Variants in PPFIA4 observed in about 807,000 individuals in gnomAD.
PPFIA4 encodes PPFI scaffold protein A4.
PPFIA4 carries 98 observed loss-of-function variants against 145.7 expected under a neutral mutation model. The ratio of observed to expected loss-of-function variants is 0.67; its 90% CI spans 0.57 to 0.80. The LOEUF is 0.80. PPFIA4 is among the 30% of genes least tolerant of loss of function. PPFIA4 has a pLI of 0.00. For missense variants in PPFIA4, 1,457 were observed against 1,632.7 expected (o/e 0.89, Z 1.85); for synonymous variants, 628 against 649.6 (o/e 0.97, Z 0.51).
chr1:203,034,069 A>G (rs1045075206), intron 1 of PPFIA4, among the ~76,000 whole-genome samples: 1 of 152,182 alleles, frequency 6.6e-6, no homozygotes, highest in Admixed American at 6.5e-5. Flanking sequence ...GAGATGATGT[A>G]AAGTAAGAGA....
intron 13 of PPFIA4, among the ~76,000 whole-genome samples, chr1:203,049,976 A>G (rs1660384857): frequency 6.6e-6 from 1 of 152,188 alleles, no homozygotes; most frequent in Non-Finnish European, 1.5e-5. Context: ...GGCTGCTGAG[A>G]GGCGAGTCAT....
chr1:203,036,604 T>A (rs1352003750), intron 1 of PPFIA4, among the ~76,000 whole-genome samples: 1 of 152,016 alleles, frequency 6.6e-6, no homozygotes, highest in African/African-American at 2.4e-5. Flanking sequence ...CTTGGGGGGG[T>A]AGGCTGGGGC....
At chr1:203,039,577 G>T (rs1381723509) in intron 2 of PPFIA4, among the ~76,000 whole-genome samples, 1 of 152,190 alleles carries the variant, frequency 6.6e-6, no homozygotes, top group Non-Finnish European at 1.5e-5. Context: ...TTGGAGGTGG[G>T]TGGGGAATCA....
intron 1 of PPFIA4, among the ~76,000 whole-genome samples, chr1:203,033,230 C>G (rs1658976674): frequency 6.6e-6 from 1 of 152,180 alleles, no homozygotes; most frequent in South Asian, 2.1e-4. Context: ...GGAACCTGAT[C>G]ACAGAGGGGT....
intron 13 of PPFIA4, among the ~76,000 whole-genome samples, chr1:203,050,650 T>A (rs1252147895): frequency 1.3e-5 from 2 of 152,180 alleles, no homozygotes; most frequent in African/African-American, 4.8e-5. Context: ...GGGAAGGGGA[T>A]GTTGAGCTTG....
intron 18 of PPFIA4, 86 bp downstream of exon 18, chr1:203,056,594 CCT>C (rs1660972486): frequency 1.3e-6 from 2 of 1,503,340 alleles, no homozygotes; most frequent in Admixed American, 4.3e-5. Context: ...CCGCATCTCC[CCT>C]GTCCCAGTTT....
chr1:203,057,089 A>C (rs1165766306), intron 19 of PPFIA4, 139 bp downstream of exon 19: 1 of 1,471,164 alleles, frequency 6.8e-7, no homozygotes, highest in East Asian at 2.4e-5. Context: ...TCAGATCTGC[A>C]GAAGCAGTTT....
intron 9 of PPFIA4, among the ~76,000 whole-genome samples, chr1:203,047,350 C>T (rs561734730): frequency 8.5e-5 from 13 of 152,134 alleles, no homozygotes; most frequent in Non-Finnish European, 1.8e-4. Context: ...TCTTTCCAGC[C>T]TCGAGGAATG....
chr1:203,071,170 A>AT lies in PPFIA4; in HGVS notation c.3325-505dup, dbSNP rs36050212. ...GTCTCAGTATGTTGCCAAGACTGCT[A>AT]TTTTTTTTTTTTTTTTTGAGACAGA... On this transcript the variant is annotated intron_variant, in intron 27 of 29. Coordinates refer to ENST00000295706, the MANE Select transcript of PPFIA4 (RefSeq NM_001304331.2). Among the ~76,000 whole-genome samples the AT allele has an allele frequency of 1.5e-3, 170 of 116,610 alleles. 1 individual carries two copies. The highest frequency in any genetic ancestry group is 3.1e-3 in the South Asian group (11 of 3,558). 76.5% of individuals were successfully genotyped at this position (116,610 alleles called of 152,430 possible). A position where few individuals can be genotyped will look rare whatever the true frequency, so the allele number is the denominator to read the frequency against.
chr1:203,068,069 C>T lies in PPFIA4; in HGVS notation c.3148+277C>T, dbSNP rs6676973. Among the ~76,000 whole-genome samples the T allele has an allele frequency of 0.42, 63,776 of 152,012 alleles. 13,536 individuals carry two copies. The highest frequency in any genetic ancestry group is 0.46 in the Middle Eastern group (136 of 294). On this transcript the variant is annotated intron_variant, in intron 26 of 29. Transcript: ENST00000295706. The surrounding 1 kb of genome is among the most constrained non-coding windows in gnomAD (Gnocchi z 4.7). ...GGGACGGTGTTATAGACTGGTGTGC[C>T]TGTGGAACTTGTTGATCTGGATGGG...
intron 1 of PPFIA4, chr1:203,034,849 C>G (rs946403852): frequency 1.1e-5 from 4 of 362,500 alleles, no homozygotes; most frequent in Non-Finnish European, 2.2e-5. Flanking sequence ...CTTCTTCCTC[C>G]TTCTACCCCT....
intron 19 of PPFIA4, among the ~76,000 whole-genome samples, chr1:203,058,700 A>C (rs1263664061): frequency 6.6e-6 from 1 of 152,156 alleles, no homozygotes; most frequent in African/African-American, 2.4e-5. Context: ...AGAACTCTGC[A>C]TGTTCCCCTT....
At chr1:203,064,096 T>G (rs1381321862) in intron 25 of PPFIA4, 93 bp downstream of exon 25, 197 of 1,364,384 alleles carry the variant, frequency 1.4e-4, no homozygotes, top group Middle Eastern at 2.6e-4. Context: ...CCTCCATCTC[T>G]TTCCGTGGTC....
chr1:203,049,633 C>T (rs1438756776), intron 12 of PPFIA4, 43 bp from the exon 13 acceptor site: 1 of 1,408,292 alleles, frequency 7.1e-7, no homozygotes, highest in South Asian at 1.4e-5. Context: ...TCTGCCCCTC[C>T]CTGGCCCCCA....
chr1:203,045,422 G>T lies in PPFIA4; in HGVS notation c.721G>T (p.Glu241Ter). 1 of 1,609,384 alleles carries T rather than the reference G, an allele frequency of 6.2e-7. No homozygotes were observed. Among genetic ancestry groups the T allele is most frequent in the Non-Finnish European group, 8.5e-7 (1 of 1,178,540 alleles). The change falls in exon 7 of 30, where the codon GAG becomes TAG. Residue 241 changes from glutamate to a stop codon, truncating the protein, a stop_gained. Coordinates refer to ENST00000295706, the MANE Select transcript of PPFIA4 (RefSeq NM_001304331.2). LOFTEE classifies it high-confidence loss of function. ...GGAGCTCCTGGAGAAGCAGAACTTT[G>T]AGTTGAGCCAGGCCCGGGAGCGACT... ...LQELLEKQNF[E>*]LSQARERLVT...
intron 24 of PPFIA4, 50 bp downstream of exon 24, chr1:203,061,728 T>C: frequency 3.9e-6 from 6 of 1,529,550 alleles, no homozygotes; most frequent in Non-Finnish European, 5.3e-6. Flanking sequence ...TTCAGGACAG[T>C]GTTCTTCTGG....
In PPFIA4 at chr1:203,043,524, G is replaced by A. The variant is rs759578339; in HGVS notation, c.336+26G>A. On this transcript the variant is annotated intron_variant, in intron 3 of 29. Coordinates refer to ENST00000295706, the MANE Select transcript of PPFIA4 (RefSeq NM_001304331.2). The surrounding 1 kb of genome is among the most constrained non-coding windows in gnomAD (Gnocchi z 4.4). ...GTAAGTGGGGATGACCTTGTGTCGC[G>A]CGCGCGCACGTGTGTGTGTGTGTGT... 2.9e-5 allele frequency: 46 copies of A among 1,573,230 alleles called. No homozygotes were observed. The highest frequency in any genetic ancestry group is 1.6e-4 in the African/African-American group (12 of 73,560).
chr1:203,062,321 C>CA (rs372737723), intron 24 of PPFIA4, among the ~76,000 whole-genome samples: 5,666 of 143,302 alleles, frequency 0.04, 372 homozygotes, highest in African/African-American at 0.13. Flanking sequence ...ACTAAAAATA[C>CA]AAAAAAAAAA....
At chr1:203,049,058 T>A (rs1660304844) in intron 12 of PPFIA4, 78 bp downstream of exon 12, 7 of 1,369,254 alleles carry the variant, frequency 5.1e-6, no homozygotes, top group Non-Finnish European at 7.0e-6. Flanking sequence ...CTTTTAACGC[T>A]GCTGCTCTGA....
Sources: gnomAD v4.1 joint callset for allele counts (sites outside exome capture counted in the v4.1 genomes callset) on GRCh38, gnomAD v4.1.1 for gene constraint, Gnocchi (gnomAD v3.1) non-coding constraint, MANE v1.5 for transcripts, NCBI Gene and HGNC (gene_info 2026-07-23, HGNC 2026-07-21) for gene names.